PAN3: variants seen among roughly 807,000 people sequenced by gnomAD.
The protein encoded by PAN3 is PAN2-PAN3 deadenylation complex subunit PAN3.
A neutral mutation model predicts 96.2 loss-of-function variants in PAN3; 19 were observed. That is an observed-to-expected ratio of 0.20 (90% CI 0.14 to 0.29). PAN3 has a LOEUF of 0.29. Ranked by LOEUF, PAN3 falls within the 10% of genes least tolerant of loss-of-function variation. PAN3 has a pLI of 1.00. For synonymous variants in PAN3, 433 were observed against 406.6 expected (o/e 1.06, Z -0.78); for missense variants, 882 against 1,108.1 (o/e 0.80, Z 2.90).
rs1027968096 is a variant in PAN3 at position 28,281,409 on chromosome 13, T to A, written c.2384+30T>A. 29 of 1,559,504 alleles carry A rather than the reference T, an allele frequency of 1.9e-5. No homozygotes were observed. In the Admixed American group the frequency reaches 3.5e-4, roughly 19 times the overall value. The stretch of plus-strand genomic sequence containing the variant: ...GGATTTACAGTATTTTACAATATAT[T>A]TTTAATCGAGAGCACTATTTTGCAT... On this transcript the variant is annotated intron_variant, in intron 17 of 18. Coordinates refer to ENST00000380958, the MANE Select transcript of PAN3 (RefSeq NM_175854.8).
chr13:28,197,733 C>A (rs916757325), intron 5 of PAN3, among the ~76,000 whole-genome samples: 3 of 151,884 alleles, frequency 2.0e-5, no homozygotes, highest in Admixed American at 1.3e-4. Flanking sequence ...CCATGCCTGG[C>A]TAATTTTTTG....
At chr13:28,282,839 CTG>C (rs753047417) in intron 17 of PAN3, among the ~76,000 whole-genome samples, 81 of 152,218 alleles carry the variant, frequency 5.3e-4, no homozygotes, top group Non-Finnish European at 7.1e-4. Context: ...CATTATCTCT[CTG>C]TGTTGGATAC....
At chr13:28,147,169 G>A (rs908195243) in intron 1 of PAN3, among the ~76,000 whole-genome samples, 1 of 152,018 alleles carries the variant, frequency 6.6e-6, no homozygotes, top group Non-Finnish European at 1.5e-5. Context: ...ATTTTATTGC[G>A]GTTTCTTACA....
chr13:28,167,413 G>A (rs910692239), intron 1 of PAN3, among the ~76,000 whole-genome samples: 7 of 151,772 alleles, frequency 4.6e-5, no homozygotes, highest in African/African-American at 9.7e-5. Context: ...TGCCCACGTC[G>A]GCCTCCTAAA....
At chr13:28,174,453 T>C (rs539633354) in intron 2 of PAN3, 60 bp downstream of exon 2, 26 of 1,536,106 alleles carry the variant, frequency 1.7e-5, no homozygotes, top group Admixed American at 1.3e-4. Flanking sequence ...AGAGGACATA[T>C]AGAGTCTTCA....
chr13:28,265,658 T>C (rs1886097980), intron 9 of PAN3, among the ~76,000 whole-genome samples: 1 of 152,192 alleles, frequency 6.6e-6, no homozygotes. Context: ...GTTTTCTTAA[T>C]AGGGTTTCAT....
intron 4 of PAN3, among the ~76,000 whole-genome samples, chr13:28,181,646 G>T (rs1272519005): frequency 6.6e-6 from 1 of 152,190 alleles, no homozygotes; most frequent in African/African-American, 2.4e-5. Context: ...ATGCCTTAGG[G>T]CAGTACTACT....
intron 1 of PAN3, among the ~76,000 whole-genome samples, chr13:28,156,369 A>G (rs1333120769): frequency 6.6e-6 from 1 of 152,166 alleles, no homozygotes; most frequent in Non-Finnish European, 1.5e-5. Flanking sequence ...AAAAATTGAA[A>G]CCCTGAACAG....
chr13:28,271,314 C>T (rs1301045021), intron 13 of PAN3, among the ~76,000 whole-genome samples: 1 of 152,094 alleles, frequency 6.6e-6, no homozygotes, highest in Non-Finnish European at 1.5e-5. Context: ...GCTGTTGAGT[C>T]ACATGCTTTG....
chr13:28,262,182 G>A (rs1885796848), intron 9 of PAN3, among the ~76,000 whole-genome samples: 1 of 152,124 alleles, frequency 6.6e-6, no homozygotes, highest in Non-Finnish European at 1.5e-5. Flanking sequence ...AAGTTGACAG[G>A]TTAAGTAACT....
At chr13:28,227,218 C>G (rs1318713560) in intron 6 of PAN3, among the ~76,000 whole-genome samples, 2 of 152,156 alleles carry the variant, frequency 1.3e-5, no homozygotes, top group Non-Finnish European at 1.5e-5. Context: ...AGGGATGTGG[C>G]TGCTGCAGCT....
At chr13:28,235,886 A>ATTTTTTTTTTTTTTTTTTT (rs553429429) in intron 6 of PAN3, among the ~76,000 whole-genome samples, 1 of 140,838 alleles carries the variant, frequency 7.1e-6, no homozygotes, top group African/African-American at 2.6e-5. Context: ...TGATTTTTAA[A>ATTTTTTTTTTTTTTTTTTT]TTTTTTTTTT....
At chr13:28,202,052 ATTT>A (rs141424970) in intron 5 of PAN3, among the ~76,000 whole-genome samples, 1 of 147,332 alleles carries the variant, frequency 6.8e-6, no homozygotes, top group African/African-American at 2.5e-5. Flanking sequence ...TCTACCTCTT[ATTT>A]TTTTTTTCCC....
intron 1 of PAN3, among the ~76,000 whole-genome samples, chr13:28,165,479 G>A (rs1400012203): frequency 6.6e-6 from 1 of 151,882 alleles, no homozygotes; most frequent in Non-Finnish European, 1.5e-5. Context: ...TCACTTTTAT[G>A]TCCCACGTGT....
At chr13:28,181,739 A>G (rs1875815577) in intron 4 of PAN3, among the ~76,000 whole-genome samples, 1 of 152,194 alleles carries the variant, frequency 6.6e-6, no homozygotes, top group South Asian at 2.1e-4. Context: ...AGAGACTTCT[A>G]TAACAATTTG....
intron 1 of PAN3, among the ~76,000 whole-genome samples, chr13:28,171,712 C>T (rs1054634446): frequency 3.3e-5 from 5 of 152,124 alleles, no homozygotes; most frequent in Non-Finnish European, 7.4e-5. Context: ...ATGTGTTCAC[C>T]GGCCCACAAA....
intron 5 of PAN3, among the ~76,000 whole-genome samples, chr13:28,202,265 G>C (rs991546592): frequency 8.5e-5 from 13 of 152,108 alleles, no homozygotes; most frequent in African/African-American, 3.1e-4. Context: ...GCCAAGATCT[G>C]TTCTAAATCT....
intron 4 of PAN3, among the ~76,000 whole-genome samples, chr13:28,194,732 T>C (rs1006272175): frequency 6.6e-6 from 1 of 151,858 alleles, no homozygotes; most frequent in Non-Finnish European, 1.5e-5. Flanking sequence ...CGCCTCCCAA[T>C]GTGCTAGGAT....
chr13:28,157,631 C>A (rs980595324), intron 1 of PAN3, among the ~76,000 whole-genome samples: 1 of 152,074 alleles, frequency 6.6e-6, no homozygotes, highest in African/African-American at 2.4e-5. Context: ...AATAAAATAC[C>A]TAGGAATACA....
Sources: gnomAD v4.1 joint callset for allele counts (sites outside exome capture counted in the v4.1 genomes callset) on GRCh38, gnomAD v4.1.1 for gene constraint, MANE v1.5 for transcripts, NCBI Gene and HGNC (gene_info 2026-07-23, HGNC 2026-07-21) for gene names.